WASHC2C: variants seen among roughly 807,000 people sequenced by gnomAD.
WASHC2C encodes the protein WASH complex subunit 2C.
A neutral mutation model predicts 142.2 loss-of-function variants in WASHC2C; 73 were observed. The ratio of observed to expected loss-of-function variants is 0.51; its 90% CI spans 0.43 to 0.62. WASHC2C has a LOEUF of 0.62. Ranked by LOEUF, WASHC2C falls within the 20% of genes least tolerant of loss-of-function variation. The probability of loss-of-function intolerance (pLI) is 0.00; values close to 1 mark genes in which losing one functional copy is unlikely to be tolerated. For missense variants in WASHC2C, 969 were observed against 1,531.7 expected (o/e 0.63, Z 6.13); for synonymous variants, 337 against 565.5 (o/e 0.60, Z 5.73).
chr10:45,729,213 C>T (rs1363934084), intron 3 of WASHC2C, among the ~76,000 whole-genome samples, 187 bp downstream of exon 3: 1 of 152,012 alleles, frequency 6.6e-6, no homozygotes, highest in Non-Finnish European at 1.5e-5. Context: ...TTCCAAGCCT[C>T]TAAAAAAGTC....
chr10:45,786,209 C>T (rs1175596580), intron 26 of WASHC2C, among the ~76,000 whole-genome samples: 1 of 152,100 alleles, frequency 6.6e-6, no homozygotes, highest in Non-Finnish European at 1.5e-5. Flanking sequence ...ACCACTGACC[C>T]TTCCTGGGGC....
chr10:45,750,170 G>A lies in WASHC2C; in HGVS notation c.807G>A (p.Glu269=), dbSNP rs1564732916. Residue 269 remains glutamate (E), a synonymous_variant, in exon 9 of 31, where the codon GAG becomes GAA. Transcript: ENST00000623400. ...TTTTTGCTGACTCTGAGAAGGAGGA[G>A]GAAGATATTGAGGACATTGAAGAAA... ...CDLFADSEKE[E]EDIEDIEENT... is the part of the protein sequence containing the mutation. The A allele has an allele frequency of 1.2e-6, 2 of 1,611,426 alleles. No homozygotes were observed. Among genetic ancestry groups the A allele is most frequent in the East Asian group, 4.5e-5 (2 of 44,830 alleles).
chr10:45,766,169 T>C (rs1426885330), intron 19 of WASHC2C, among the ~76,000 whole-genome samples: 7 of 152,108 alleles, frequency 4.6e-5, no homozygotes, highest in Non-Finnish European at 7.4e-5. Flanking sequence ...GTAAGATAAG[T>C]TTTACCAGAC....
chr10:45,790,998 G>A (rs1337154529), intron 30 of WASHC2C, among the ~76,000 whole-genome samples: 4 of 152,064 alleles, frequency 2.6e-5, no homozygotes, highest in African/African-American at 4.8e-5. Flanking sequence ...TACCTCAGGC[G>A]TTGCATTTCA....
intron 11 of WASHC2C, 132 bp downstream of exon 11, chr10:45,751,685 T>C: frequency 6.6e-7 from 1 of 1,504,260 alleles, no homozygotes; most frequent in Non-Finnish European, 9.0e-7. Context: ...TTTACTTTTC[T>C]AAAGCCTCTG....
intron 26 of WASHC2C, among the ~76,000 whole-genome samples, chr10:45,786,147 T>A (rs1554889972): frequency 6.6e-6 from 1 of 152,134 alleles, no homozygotes; most frequent in Non-Finnish European, 1.5e-5. Flanking sequence ...GGTGTCTCAC[T>A]GAAGCCTTAG....
intron 16 of WASHC2C, among the ~76,000 whole-genome samples, chr10:45,758,219 A>G (rs1395328847): frequency 1.3e-5 from 2 of 152,196 alleles, no homozygotes; most frequent in African/African-American, 4.8e-5. Context: ...CTCCCAAGAC[A>G]CATCAGGTCC....
intron 3 of WASHC2C, among the ~76,000 whole-genome samples, chr10:45,736,586 C>A (rs1206383073): frequency 1.3e-5 from 2 of 151,716 alleles, no homozygotes; most frequent in African/African-American, 2.4e-5. Flanking sequence ...GGTGACAGAG[C>A]TAGACTCTGT....
chr10:45,779,983 C>CAA (rs1212129330), intron 23 of WASHC2C, among the ~76,000 whole-genome samples: 2 of 68,998 alleles, frequency 2.9e-5, no homozygotes, highest in Admixed American at 1.7e-4. Context: ...GACTCCATCT[C>CAA]AAAAAAAAAA....
intron 30 of WASHC2C, among the ~76,000 whole-genome samples, chr10:45,791,594 C>T (rs1480437808): frequency 2.1e-5 from 3 of 145,948 alleles, no homozygotes; most frequent in Non-Finnish European, 1.5e-5. Flanking sequence ...TATATTTAGC[C>T]ATTAGCCTGT....
At chr10:45,758,652 G>C (rs2054641264) in intron 16 of WASHC2C, among the ~76,000 whole-genome samples, 1 of 148,166 alleles carries the variant, frequency 6.7e-6, no homozygotes, top group South Asian at 2.1e-4. Context: ...CTGTTGCCCA[G>C]GCTGGAGTGT....
At chr10:45,749,713 C>A (rs554289120) in intron 8 of WASHC2C, among the ~76,000 whole-genome samples, 2 of 150,200 alleles carry the variant, frequency 1.3e-5, no homozygotes, top group African/African-American at 4.9e-5. Context: ...GTAATCCCAG[C>A]TACTCGGAAG....
At chr10:45,772,091 C>A (rs2056647101) in intron 20 of WASHC2C, among the ~76,000 whole-genome samples, 1 of 152,150 alleles carries the variant, frequency 6.6e-6, no homozygotes, top group African/African-American at 2.4e-5. Flanking sequence ...AGTGATGCAT[C>A]CTAGAACATG....
chr10:45,740,926 G>A (rs1184284301), intron 5 of WASHC2C, among the ~76,000 whole-genome samples: 6 of 151,426 alleles, frequency 4.0e-5, no homozygotes, highest in Middle Eastern at 3.4e-3. Flanking sequence ...AAGGCCTTCC[G>A]AATTAAAACA....
intron 23 of WASHC2C, among the ~76,000 whole-genome samples, chr10:45,784,285 T>TACACACAC (rs1169022901): frequency 7.9e-4 from 6 of 7,612 alleles, no homozygotes; most frequent in Non-Finnish European, 1.8e-3. Flanking sequence ...TATATATATA[T>TACACACAC]ATATACACAT....
In WASHC2C at chr10:45,727,548, C is replaced by G. The variant is rs1297936487; in HGVS notation, c.126+9C>G. On this transcript the variant is annotated intron_variant, in intron 2 of 30. Transcript: ENST00000623400. ...TGGCGGCCGACGCGGGCGTGAGAGG[C>G]GGGCCCCGGGGACGCGAGAGCGGCA... The G allele has an allele frequency of 6.4e-7, 1 of 1,572,064 alleles. No homozygotes were observed. The highest frequency in any genetic ancestry group is 1.9e-5 in the Admixed American group (1 of 52,958).
Position 45,740,146 on chromosome 10 carries a change from T to C in WASHC2C, c.428T>C (p.Val143Ala), listed in dbSNP as rs1554866956. Reference protein sequence around the residue: ...VQEAVNYGLQVLDSAFEQLDI... With the variant: ...VQEAVNYGLQALDSAFEQLDI... ...GAGGCTGTGAACTATGGCTTACAAGTATTGGACAGTGCCTTTGAGCAACTT... is the reference window on the plus strand; with the variant it reads ...GAGGCTGTGAACTATGGCTTACAAGCATTGGACAGTGCCTTTGAGCAACTT... The change falls in exon 5 of 31, where the codon GTA (valine) becomes GCA (alanine). Residue 143 changes from valine (V) to alanine (A), a missense_variant. By Grantham distance (64) the Val-to-Ala change is moderately conservative. Transcript: ENST00000623400. 3 of 610,742 alleles carry C rather than the reference T, an allele frequency of 4.9e-6. No homozygotes were observed. The highest frequency in any genetic ancestry group is 8.3e-6 in the Non-Finnish European group (3 of 362,176). The allele number at this position is 610,742 out of a possible 1,614,324, so 37.8% of individuals were successfully genotyped here.
chr10:45,741,021 C>T (rs1214661551), intron 5 of WASHC2C, among the ~76,000 whole-genome samples: 1 of 151,602 alleles, frequency 6.6e-6, no homozygotes, highest in African/African-American at 2.4e-5. Flanking sequence ...GATGTTGGCT[C>T]ACTGCAACCT....
At chr10:45,784,267 T>TATATATATATATATATATACAC (rs2057783500) in intron 23 of WASHC2C, among the ~76,000 whole-genome samples, 3 of 5,654 alleles carry the variant, frequency 5.3e-4, no homozygotes, top group African/African-American at 9.7e-4. Flanking sequence ...TATATATATA[T>TATATATATATATATATATACAC]ATATATATAT....
Sources: allele counts gnomAD v4.1 joint callset (sites outside exome capture counted in the v4.1 genomes callset), GRCh38; gene constraint gnomAD v4.1.1; transcripts MANE v1.5; gene names NCBI Gene and HGNC (gene_info 2026-07-23, HGNC 2026-07-21).